RILPL1: variants seen among roughly 807,000 people sequenced by gnomAD.
RILPL1 encodes the protein Rab interacting lysosomal protein like 1, also known as RILP-like protein 1.
RILPL1 carries 33 observed loss-of-function variants against 50.3 expected under a neutral mutation model. The ratio of observed to expected loss-of-function variants is 0.66; its 90% CI spans 0.50 to 0.88. RILPL1 has a LOEUF of 0.88. Ranked by LOEUF, RILPL1 falls within the 40% of genes least tolerant of loss-of-function variation. The pLI is 0.00. For missense variants in RILPL1, 418 were observed against 542.5 expected, an observed-to-expected ratio of 0.77 and a Z score of 2.28; for synonymous variants, 205 against 228.6, an observed-to-expected ratio of 0.90 and a Z score of 0.93.
intron 2 of RILPL1, among the ~76,000 whole-genome samples, chr12:123,521,294 C>A (rs2139381465): frequency 6.6e-6 from 1 of 151,974 alleles, no homozygotes; most frequent in South Asian, 2.1e-4. Flanking sequence ...GGTCACGTGA[C>A]TTGATCAAAG....
intron 2 of RILPL1, among the ~76,000 whole-genome samples, chr12:123,514,783 T>A (rs547973343): frequency 2.2e-4 from 33 of 152,232 alleles, no homozygotes; most frequent in African/African-American, 7.7e-4. Flanking sequence ...ATATACTATA[T>A]GCTACTGAAT....
intron 6 of RILPL1, among the ~76,000 whole-genome samples, chr12:123,479,158 C>T (rs1349632673): frequency 6.6e-6 from 1 of 152,100 alleles, no homozygotes; most frequent in Non-Finnish European, 1.5e-5. Context: ...TGAAGACAGC[C>T]TTCCCAGCAG....
Position 123,498,719 on chromosome 12 carries a change from C to T in RILPL1, c.626G>A (p.Arg209Gln), listed in dbSNP as rs985656020. The T allele has an allele frequency of 1.2e-6, 2 of 1,613,524 alleles. No homozygotes were observed. Among genetic ancestry groups the T allele is most frequent in the Non-Finnish European group, 1.7e-6 (2 of 1,179,874 alleles). Reference protein sequence around the residue: ...TRLMKINHDLRHRVTVVEAQG... With the variant: ...TRLMKINHDLQHRVTVVEAQG... ...GGCCTCCACCACCGTGACCCGGTGCCGAAGGTCATGGTTGATCTTCATCAG... is the reference window on the plus strand; with the variant it reads ...GGCCTCCACCACCGTGACCCGGTGCTGAAGGTCATGGTTGATCTTCATCAG... The change falls in exon 4 of 7, where the codon CGG (arginine) becomes CAG (glutamine). Residue 209 changes from arginine (R) to glutamine (Q), a missense_variant. By Grantham distance (43) the Arg-to-Gln change is conservative (BLOSUM62 1). Transcript: ENST00000376874. This position sits in a 1 kb window ranked among gnomAD's most constrained non-coding sequence, Gnocchi z 4.3.
chr12:123,530,569 A>G (rs1885410427), intron 1 of RILPL1, among the ~76,000 whole-genome samples: 1 of 152,214 alleles, frequency 6.6e-6, no homozygotes, highest in African/African-American at 2.4e-5. Context: ...CTCATCTGTC[A>G]TGGTCATTAC....
In RILPL1 at chr12:123,533,098, A is replaced by AGCTGCCCAAT; in HGVS notation, c.309+66_309+75dup. ...TGAACACACACACGTGCGCACCCACAGCTGCCCAATGCGGAAGAGCCCTTG... is the reference window on the plus strand; with the variant it reads ...TGAACACACACACGTGCGCACCCACAGCTGCCCAATGCTGCCCAATGCGGAAGAGCCCTTG... On this transcript the variant is annotated intron_variant, in intron 1 of 6. Transcript: ENST00000376874. The surrounding 1 kb of genome is among the most constrained non-coding windows in gnomAD (Gnocchi z 6.2). The AGCTGCCCAAT allele has an allele frequency of 2.2e-6, 3 of 1,379,952 alleles. No individual in the cohort carries two copies. The highest frequency in any genetic ancestry group is 2.9e-6 in the Non-Finnish European group (3 of 1,029,354). The allele number at this position is 1,379,952 out of a possible 1,614,324, so 85.5% of individuals were successfully genotyped here.
At chr12:123,483,723 C>T (rs1244454115) in intron 6 of RILPL1, among the ~76,000 whole-genome samples, 1 of 152,052 alleles carries the variant, frequency 6.6e-6, no homozygotes, top group Non-Finnish European at 1.5e-5. Flanking sequence ...TGCAGTAACC[C>T]CTGCTTAATG....
chr12:123,499,372 C>T (rs761111349), intron 3 of RILPL1, 46 bp downstream of exon 3: 2 of 1,375,376 alleles, frequency 1.5e-6, no homozygotes, highest in African/African-American at 1.4e-5. Context: ...CTGGCTGGCA[C>T]CTACTGGCTG....
At position 123,472,684 on chromosome 12, in the gene RILPL1, T is replaced by C; in HGVS notation, c.1068-2A>G. Reference sequence around the variant, plus strand: ...TTATCTCGGGAGAAGAAGCTAAACCTTTGGAAGGGAAAGCAAACACAGAAA... The same window carrying C: ...TTATCTCGGGAGAAGAAGCTAAACCCTTGGAAGGGAAAGCAAACACAGAAA... On this transcript the variant is annotated splice_acceptor_variant, in intron 6 of 6. Coordinates refer to ENST00000376874, the MANE Select transcript of RILPL1 (RefSeq NM_178314.5). LOFTEE classifies it high-confidence loss of function. The C allele has an allele frequency of 6.3e-7, 1 of 1,594,526 alleles. No individual in the cohort carries two copies. The highest frequency in any genetic ancestry group is 8.5e-7 in the Non-Finnish European group (1 of 1,170,342).
intron 2 of RILPL1, chr12:123,514,101 T>A (rs1354273644): frequency 6.6e-6 from 1 of 152,200 alleles, no homozygotes; most frequent in African/African-American, 2.4e-5. Context: ...CACAACGCGC[T>A]CAGTCCACAC....
Position 123,489,805 on chromosome 12 carries a change from A to T in RILPL1, c.802-4000T>A, listed in dbSNP as rs1177878800. On this transcript the variant is annotated intron_variant, in intron 4 of 6. Coordinates refer to ENST00000376874, the MANE Select transcript of RILPL1 (RefSeq NM_178314.5). The surrounding 1 kb of genome is among the most constrained non-coding windows in gnomAD (Gnocchi z 4.0). ...TTCACCAGGAACTCTGGGCATTAGT[A>T]GTATAGATCAGAGGTTGCAAACTAA... Among the ~76,000 whole-genome samples the T allele has an allele frequency of 6.6e-6, 1 of 152,144 alleles. No homozygotes were observed. The highest frequency in any genetic ancestry group is 2.4e-5 in the African/African-American group (1 of 41,432).
intron 6 of RILPL1, among the ~76,000 whole-genome samples, chr12:123,482,567 G>A (rs568110697): frequency 2.0e-5 from 3 of 151,572 alleles, no homozygotes; most frequent in Admixed American, 2.0e-4. Context: ...GAGCTGCCAT[G>A]CCCAGCAAAG....
intron 4 of RILPL1, among the ~76,000 whole-genome samples, chr12:123,488,794 G>T (rs1396582328): frequency 2.0e-5 from 3 of 152,200 alleles, no homozygotes; most frequent in African/African-American, 7.2e-5. Context: ...GACCCCGGCC[G>T]CCCTCGCAAG....
intron 1 of RILPL1, among the ~76,000 whole-genome samples, chr12:123,531,597 A>C (rs1261843224): frequency 6.6e-6 from 1 of 152,138 alleles, no homozygotes; most frequent in Non-Finnish European, 1.5e-5. Flanking sequence ...GCCTGTGAGC[A>C]CCTCAATGAA....
chr12:123,512,964 GGT>G (rs1424292122), intron 2 of RILPL1, among the ~76,000 whole-genome samples: 2 of 136,692 alleles, frequency 1.5e-5, no homozygotes, highest in African/African-American at 5.5e-5. Context: ...GTGTGTGTGT[GGT>G]GTGTGTGAGG....
rs1884764648 is a variant in RILPL1 at position 123,517,405 on chromosome 12, C to T, written c.460+6090G>A. On this transcript the variant is annotated intron_variant, in intron 2 of 6. Coordinates refer to ENST00000376874, the MANE Select transcript of RILPL1 (RefSeq NM_178314.5). ...CGGAGAAAGGCCCAGAGAGAGGGCA[C>T]AGCAATTTTGTTGTTATTGTTTTTT... 1.3e-5 allele frequency among the ~76,000 whole-genome samples: 2 copies of T among 149,314 alleles called. 1 individual carries two copies. Among genetic ancestry groups the T allele is most frequent in the South Asian group, 4.2e-4 (2 of 4,726 alleles).
At chr12:123,530,500 G>A (rs934541199) in intron 1 of RILPL1, among the ~76,000 whole-genome samples, 2 of 152,130 alleles carry the variant, frequency 1.3e-5, no homozygotes, top group Non-Finnish European at 2.9e-5. Flanking sequence ...TGGCAAAGCT[G>A]CATAATATTT....
chr12:123,511,408 GTGAGGTCT>G (rs1339002382), intron 2 of RILPL1, among the ~76,000 whole-genome samples: 4 of 148,926 alleles, frequency 2.7e-5, no homozygotes, highest in South Asian at 2.1e-4. Context: ...GTCTGTGTGT[GTGAGGTCT>G]GTGTGTGAGG....
At chr12:123,503,268 T>C in intron 2 of RILPL1, among the ~76,000 whole-genome samples, 1 of 139,162 alleles carries the variant, frequency 7.2e-6, no homozygotes. Context: ...TGGCGCGATC[T>C]CAGCTCACTG....
chr12:123,502,509 T>C (rs535459868), intron 2 of RILPL1, among the ~76,000 whole-genome samples: 1 of 152,352 alleles, frequency 6.6e-6, no homozygotes, highest in South Asian at 2.1e-4. Context: ...TCACAGTTAA[T>C]ACACACAGAG....
Sources: gnomAD v4.1 joint callset for allele counts (sites outside exome capture counted in the v4.1 genomes callset) on GRCh38, gnomAD v4.1.1 for gene constraint, Gnocchi (gnomAD v3.1) non-coding constraint, MANE v1.5 for transcripts, NCBI Gene and HGNC (gene_info 2026-07-23, HGNC 2026-07-21) for gene names.